Variants in ABTB3 observed in about 807,000 individuals in gnomAD.
The protein encoded by ABTB3 is ankyrin repeat- and BTB/POZ domain-containing protein 3.
At chr12:107,544,190 T>C in the ABTB3 span, 1 of 1,565,674 alleles carries the variant, frequency 6.4e-7, no homozygotes, top group Non-Finnish European at 8.7e-7. Context: ...GCCTCCAGGG[T>C]GGGGCAAGTG....
At chr12:107,643,775 A>ATTT in the ABTB3 span, among the ~76,000 whole-genome samples, 1 of 63,770 alleles carries the variant, frequency 1.6e-5, no homozygotes. Flanking sequence ...TTTTTTGTTG[A>ATTT]GAGAGAGAGA....
chr12:107,411,042 G>A, the ABTB3 span, among the ~76,000 whole-genome samples: 14 of 152,214 alleles, frequency 9.2e-5, no homozygotes, highest in South Asian at 2.5e-3. Context: ...GCTCATGCCC[G>A]TAATCCCAAC....
At chr12:107,521,810 A>G in the ABTB3 span, among the ~76,000 whole-genome samples, 2 of 151,664 alleles carry the variant, frequency 1.3e-5, no homozygotes, top group Non-Finnish European at 2.9e-5. Flanking sequence ...TCCTCCAGGT[A>G]TCCCCATGGC....
the ABTB3 span, among the ~76,000 whole-genome samples, chr12:107,345,964 G>A: frequency 6.6e-6 from 1 of 152,200 alleles, no homozygotes; most frequent in Non-Finnish European, 1.5e-5. Context: ...GTCTCATGAG[G>A]TATGAACTCA....
the ABTB3 span, among the ~76,000 whole-genome samples, chr12:107,428,804 C>A: frequency 2.6e-5 from 4 of 152,222 alleles, no homozygotes; most frequent in Admixed American, 2.0e-4. Flanking sequence ...ATTTATTGAG[C>A]GTCTGCTCGG....
the ABTB3 span, among the ~76,000 whole-genome samples, chr12:107,540,667 T>G: frequency 6.6e-6 from 1 of 152,042 alleles, no homozygotes; most frequent in Non-Finnish European, 1.5e-5. Context: ...TTTCCTTTAT[T>G]TCGACAACTC....
chr12:107,333,833 C>A, the ABTB3 span, among the ~76,000 whole-genome samples: 6 of 152,108 alleles, frequency 3.9e-5, no homozygotes, highest in East Asian at 9.6e-4. Context: ...TGACACCTGC[C>A]ATGGAAAAAA....
At chr12:107,430,954 A>G in the ABTB3 span, among the ~76,000 whole-genome samples, 1 of 152,250 alleles carries the variant, frequency 6.6e-6, no homozygotes, top group Admixed American at 6.5e-5. Flanking sequence ...ACACCACTGC[A>G]TATGATTTAA....
At chr12:107,415,319 G>A in the ABTB3 span, among the ~76,000 whole-genome samples, 1,186 of 152,214 alleles carry the variant, frequency 7.8e-3, 25 homozygotes, top group African/African-American at 0.027. Context: ...ACTGTCTGAT[G>A]TTTTTCTTAT....
At chr12:107,482,892 TTCTCTC>T in the ABTB3 span, among the ~76,000 whole-genome samples, 1 of 142,186 alleles carries the variant, frequency 7.0e-6, no homozygotes, top group Non-Finnish European at 1.6e-5. Context: ...TCTTCTCTCG[TTCTCTC>T]TCTCTCTCTT....
At chr12:107,608,796 A>T in the ABTB3 span, among the ~76,000 whole-genome samples, 1 of 151,752 alleles carries the variant, frequency 6.6e-6, no homozygotes, top group Non-Finnish European at 1.5e-5. Context: ...ACTTGAGCCC[A>T]GGAGTCTGAG....
At chr12:107,413,564 A>G in the ABTB3 span, among the ~76,000 whole-genome samples, 1 of 152,188 alleles carries the variant, frequency 6.6e-6, no homozygotes, top group African/African-American at 2.4e-5. Context: ...AGTGATTAAC[A>G]TTGTTCTGTA....
chr12:107,432,830 C>G, the ABTB3 span, among the ~76,000 whole-genome samples: 2 of 152,140 alleles, frequency 1.3e-5, no homozygotes, highest in Non-Finnish European at 2.9e-5. Flanking sequence ...AAGCTCCCCC[C>G]GAGGTTCTAA....
the ABTB3 span, among the ~76,000 whole-genome samples, chr12:107,371,825 A>G: frequency 2.6e-5 from 4 of 152,180 alleles, no homozygotes; most frequent in African/African-American, 7.2e-5. Flanking sequence ...TTCTGTGATC[A>G]TGGCAGACAT....
chr12:107,476,974 GCT>G, the ABTB3 span, among the ~76,000 whole-genome samples: 13 of 152,296 alleles, frequency 8.5e-5, no homozygotes, highest in South Asian at 4.1e-4. Flanking sequence ...AAGAAAAGCA[GCT>G]CTGTTTTCTA....
the ABTB3 span, among the ~76,000 whole-genome samples, chr12:107,384,450 G>A: frequency 1.3e-5 from 2 of 152,132 alleles, no homozygotes; most frequent in Non-Finnish European, 2.9e-5. Context: ...ACCCTGGTTG[G>A]GTTTCTTTGT....
the ABTB3 span, among the ~76,000 whole-genome samples, chr12:107,395,295 T>TG: frequency 6.6e-6 from 1 of 151,292 alleles, no homozygotes; most frequent in Non-Finnish European, 1.5e-5. Context: ...TACTTCCTCC[T>TG]GGCACCAAAA....
the ABTB3 span, among the ~76,000 whole-genome samples, chr12:107,445,795 C>T: frequency 6.6e-6 from 1 of 151,638 alleles, no homozygotes; most frequent in Middle Eastern, 3.4e-3. Context: ...CGTATAAAGG[C>T]CACTTAGATT....
At chr12:107,460,864 C>T in the ABTB3 span, among the ~76,000 whole-genome samples, 7 of 152,118 alleles carry the variant, frequency 4.6e-5, no homozygotes, top group African/African-American at 1.2e-4. Flanking sequence ...TAGAATAGCA[C>T]GTCCCCCTGG....
Sources: gnomAD v4.1 joint callset for allele counts (sites outside exome capture counted in the v4.1 genomes callset) on GRCh38, gnomAD v4.1.1 for gene constraint, MANE v1.5 for transcripts, NCBI Gene and HGNC (gene_info 2026-07-23, HGNC 2026-07-21) for gene names.